GLI3: variants seen among roughly 807,000 people sequenced by gnomAD.
GLI3 encodes transcription activator GLI3.
GLI3 carries 20 observed loss-of-function variants against 100.8 expected under a neutral mutation model. The ratio of observed to expected loss-of-function variants is 0.20; its 90% CI spans 0.14 to 0.29. The LOEUF (loss-of-function observed/expected upper bound fraction) is 0.29. Among genes scored for constraint, GLI3 ranks in the 10% least tolerant of loss-of-function variants. The pLI, the probability that GLI3 is intolerant of heterozygous loss-of-function variation, is 1.00. For missense variants in GLI3, 2,040 were observed against 2,128.5 expected, an observed-to-expected ratio of 0.96 and a Z score of 0.82; for synonymous variants, 938 against 860.5, an observed-to-expected ratio of 1.09 and a Z score of -1.58.
intron 10 of GLI3, among the ~76,000 whole-genome samples, chr7:42,001,637 T>C (rs1788298779): frequency 6.6e-6 from 1 of 152,090 alleles, no homozygotes; most frequent in African/African-American, 2.4e-5. Flanking sequence ...GCAACAAAAA[T>C]ATTTCAGGAA....
At chr7:42,194,603 G>A (rs147459497) in intron 2 of GLI3, among the ~76,000 whole-genome samples, 8 of 152,042 alleles carry the variant, frequency 5.3e-5, no homozygotes, top group East Asian at 3.9e-4. Flanking sequence ...CTCTACTCCC[G>A]TCTGTCTTAG....
At chr7:42,139,251 C>CG (rs1257029886) in intron 3 of GLI3, among the ~76,000 whole-genome samples, 1 of 152,042 alleles carries the variant, frequency 6.6e-6, no homozygotes, top group Non-Finnish European at 1.5e-5. Flanking sequence ...TCTTTAGGAA[C>CG]GAAGCCACAG....
intron 3 of GLI3, among the ~76,000 whole-genome samples, chr7:42,132,264 C>T (rs1007597896): frequency 1.3e-5 from 2 of 151,308 alleles, no homozygotes; most frequent in Non-Finnish European, 2.9e-5. Flanking sequence ...CTACGCCCGG[C>T]TAATTTTTTG....
intron 1 of GLI3, among the ~76,000 whole-genome samples, chr7:42,250,767 G>C (rs1215803796): frequency 6.6e-6 from 1 of 152,188 alleles, no homozygotes; most frequent in African/African-American, 2.4e-5. Context: ...AAGGCGGGTG[G>C]GGGGGCTGCC....
intron 10 of GLI3, among the ~76,000 whole-genome samples, chr7:42,022,771 G>A (rs1439726268): frequency 6.6e-6 from 1 of 152,200 alleles, no homozygotes; most frequent in Non-Finnish European, 1.5e-5. Context: ...AATCAGGCAT[G>A]GGGTGGGGAG....
chr7:42,234,729 T>C (rs1788756718), intron 1 of GLI3, among the ~76,000 whole-genome samples: 1 of 152,154 alleles, frequency 6.6e-6, no homozygotes, highest in South Asian at 2.1e-4. Flanking sequence ...ACTAGACACC[T>C]CTCACATTGG....
chr7:42,251,695 C>A (rs989045445), intron 1 of GLI3, among the ~76,000 whole-genome samples: 4 of 152,054 alleles, frequency 2.6e-5, no homozygotes, highest in Non-Finnish European at 4.4e-5. Flanking sequence ...TCAATTATGA[C>A]GTGGTTACTA....
chr7:42,104,280 A>G (rs566301740), intron 3 of GLI3, among the ~76,000 whole-genome samples: 3 of 152,324 alleles, frequency 2.0e-5, no homozygotes, highest in East Asian at 3.9e-4. Context: ...ACCTACCTAG[A>G]CATACTGCGT....
intron 3 of GLI3, among the ~76,000 whole-genome samples, chr7:42,127,686 C>T (rs1277401142): frequency 6.6e-6 from 1 of 152,116 alleles, no homozygotes; most frequent in Non-Finnish European, 1.5e-5. Flanking sequence ...TTAAACAATG[C>T]AGTAGGCATT....
At chr7:42,026,178 G>A (rs1374768438) in intron 8 of GLI3, 21 bp downstream of exon 8, 9 of 1,577,022 alleles carry the variant, frequency 5.7e-6, no homozygotes, top group Non-Finnish European at 7.8e-6. Flanking sequence ...ACGGCCGGGT[G>A]CATCGACCTG....
intron 2 of GLI3, among the ~76,000 whole-genome samples, chr7:42,187,759 C>T (rs1006277522): frequency 1.3e-5 from 2 of 151,996 alleles, no homozygotes; most frequent in African/African-American, 4.8e-5. Context: ...AATCCCAGCA[C>T]TTTGGGAGGC....
chr7:42,208,107 C>T (rs768385020), intron 2 of GLI3, among the ~76,000 whole-genome samples: 1 of 152,050 alleles, frequency 6.6e-6, no homozygotes, highest in Non-Finnish European at 1.5e-5. Context: ...TGCAGTGAGC[C>T]GAGATCGCAC....
intron 7 of GLI3, 106 bp from the exon 8 acceptor site, chr7:42,026,518 A>T (rs1049767012): frequency 4.6e-6 from 4 of 876,294 alleles, no homozygotes; most frequent in Non-Finnish European, 7.4e-6. Context: ...CCCAAATCAA[A>T]TTTGTTTAAA....
intron 2 of GLI3, among the ~76,000 whole-genome samples, chr7:42,191,875 G>A (rs564384879): frequency 1.3e-5 from 2 of 152,090 alleles, no homozygotes; most frequent in South Asian, 2.1e-4. Flanking sequence ...GTAGGTTCTG[G>A]CAGTGTGAAT....
chr7:42,184,709 A>T (rs1369610882), intron 2 of GLI3, among the ~76,000 whole-genome samples: 1 of 152,148 alleles, frequency 6.6e-6, no homozygotes, highest in Admixed American at 6.5e-5. Flanking sequence ...TGTGCCACAG[A>T]GAGCTGCTTT....
intron 2 of GLI3, among the ~76,000 whole-genome samples, chr7:42,171,355 C>T (rs1787369452): frequency 1.3e-5 from 2 of 152,150 alleles, no homozygotes; most frequent in Non-Finnish European, 2.9e-5. Flanking sequence ...GATAATAGGC[C>T]TAAGTACAGA....
At chr7:42,094,400 C>T (rs184575411) in intron 3 of GLI3, among the ~76,000 whole-genome samples, 1 of 152,096 alleles carries the variant, frequency 6.6e-6, no homozygotes, top group Non-Finnish European at 1.5e-5. Context: ...GTCCGGAGTT[C>T]AAGACCAGCC....
chr7:42,210,041 C>T (rs964443323), intron 2 of GLI3, among the ~76,000 whole-genome samples: 3 of 141,970 alleles, frequency 2.1e-5, no homozygotes, highest in African/African-American at 5.2e-5. Context: ...CCATAAAGTG[C>T]CATGTAAAAT....
intron 2 of GLI3, among the ~76,000 whole-genome samples, chr7:42,202,133 T>C (rs573613705): frequency 2.6e-5 from 4 of 151,312 alleles, no homozygotes; most frequent in Non-Finnish European, 4.4e-5. Context: ...ACAACTGTCA[T>C]ATATGCAGTC....
Sources: allele counts gnomAD v4.1 joint callset (sites outside exome capture counted in the v4.1 genomes callset), GRCh38; gene constraint gnomAD v4.1.1; transcripts MANE v1.5; gene names NCBI Gene and HGNC (gene_info 2026-07-23, HGNC 2026-07-21).